The following PTPN12 variants were observed in gnomAD, a reference collection of about 807,000 sequenced individuals.
The protein encoded by PTPN12 is tyrosine-protein phosphatase non-receptor type 12.
A neutral mutation model predicts 97.6 loss-of-function variants in PTPN12; 29 were observed. The observed-to-expected ratio is 0.30, with a 90% confidence interval of 0.22 to 0.41. The LOEUF is 0.41. PTPN12 is among the 10% of genes least tolerant of loss of function. PTPN12 has a pLI of 1.00. For synonymous variants in PTPN12, 327 were observed against 300.4 expected, an observed-to-expected ratio of 1.09 and a Z score of -0.91; for missense variants, 819 against 926.0, an observed-to-expected ratio of 0.88 and a Z score of 1.50.
At chr7:77,569,623 T>C (rs749012377) in intron 1 of PTPN12, among the ~76,000 whole-genome samples, 5 of 152,000 alleles carry the variant, frequency 3.3e-5, no homozygotes, top group Non-Finnish European at 5.9e-5. Flanking sequence ...ATATGAAAAT[T>C]AGCTGGACCT....
At chr7:77,553,741 CT>C (rs1276062773) in intron 1 of PTPN12, among the ~76,000 whole-genome samples, 4 of 152,168 alleles carry the variant, frequency 2.6e-5, no homozygotes, top group Non-Finnish European at 4.4e-5. Context: ...CTCTGACAAT[CT>C]TTTAATTGGT....
chr7:77,539,511 A>G (rs535461673), intron 1 of PTPN12, among the ~76,000 whole-genome samples: 2 of 152,330 alleles, frequency 1.3e-5, no homozygotes, highest in East Asian at 3.9e-4. Flanking sequence ...ATTTACAGCA[A>G]TTGGATGGAG....
chr7:77,559,145 A>G (rs1452835306), intron 1 of PTPN12, among the ~76,000 whole-genome samples: 2 of 152,206 alleles, frequency 1.3e-5, no homozygotes, highest in East Asian at 1.9e-4. Flanking sequence ...TGGGCACTTT[A>G]TTTCTAATGC....
intron 2 of PTPN12, among the ~76,000 whole-genome samples, chr7:77,576,627 G>C (rs969631445): frequency 5.3e-5 from 8 of 152,120 alleles, no homozygotes; most frequent in Non-Finnish European, 2.9e-5. Context: ...AACCTGGGAG[G>C]CAGAGGTTGC....
At chr7:77,538,069 G>A (rs1173659976) in intron 1 of PTPN12, 1 of 994,840 alleles carries the variant, frequency 1.0e-6, no homozygotes, top group Non-Finnish European at 1.2e-6. Context: ...ACCGGGAGGA[G>A]TGCAGATCGT....
At position 77,537,573 on chromosome 7, in the gene PTPN12, A is replaced by G. The variant is rs373428891; in HGVS notation, c.27A>G (p.Lys9=). The part of the protein sequence containing the change: MEQVEILR[K]FIQRVQAMKS... Reference sequence around the variant, plus strand: ...TGGAGCAAGTGGAGATCCTGAGGAAATTCATCCAGAGGGTCCAGGCCATGA... The same window carrying G: ...TGGAGCAAGTGGAGATCCTGAGGAAGTTCATCCAGAGGGTCCAGGCCATGA... Residue 9 remains lysine (K), a synonymous_variant, in exon 1 of 18, where the codon AAA becomes AAG. Transcript: ENST00000248594. 3.1e-5 allele frequency: 49 copies of G among 1,599,810 alleles called. No homozygotes were observed. Among genetic ancestry groups the G allele is most frequent in the South Asian group, 1.5e-4 (13 of 89,058 alleles).
chr7:77,592,467 A>T (rs1787899468), intron 6 of PTPN12: 2 of 446,108 alleles, frequency 4.5e-6, no homozygotes, highest in East Asian at 7.6e-5. Context: ...CTTGTATCTT[A>T]CTATATTGAT....
intron 1 of PTPN12, among the ~76,000 whole-genome samples, chr7:77,554,355 CT>C (rs1463213070): frequency 2.0e-5 from 3 of 152,162 alleles, no homozygotes; most frequent in Non-Finnish European, 4.4e-5. Flanking sequence ...CACTGTACCA[CT>C]TTATGGATGG....
chr7:77,611,190 C>G (rs1378320676), intron 11 of PTPN12, 144 bp downstream of exon 11: 1 of 617,674 alleles, frequency 1.6e-6, no homozygotes, highest in Non-Finnish European at 2.9e-6. Context: ...AACTCATTTC[C>G]TTCTTATTCG....
chr7:77,638,080 C>T (rs1377862382), intron 16 of PTPN12, among the ~76,000 whole-genome samples: 1 of 148,860 alleles, frequency 6.7e-6, no homozygotes, highest in Non-Finnish European at 1.5e-5. Context: ...GCCTCAGCCT[C>T]CTGAGTAGCT....
At chr7:77,625,514 TCTCTCTCTCACTCTCA>T (rs1231052618) in intron 12 of PTPN12, among the ~76,000 whole-genome samples, 5 of 105,632 alleles carry the variant, frequency 4.7e-5, no homozygotes, top group African/African-American at 1.5e-4. Flanking sequence ...TCTCTCTCTC[TCTCTCTCTCACTCTCA>T]CTCTCACTCG....
At chr7:77,629,573 C>T (rs531027506) in intron 13 of PTPN12, among the ~76,000 whole-genome samples, 1 of 149,782 alleles carries the variant, frequency 6.7e-6, no homozygotes. Context: ...TTAAAAAAAA[C>T]CAAAAAACCA....
intron 11 of PTPN12, 41 bp downstream of exon 11, chr7:77,611,087 C>G (rs771144118): frequency 3.3e-5 from 48 of 1,464,900 alleles, no homozygotes; most frequent in Non-Finnish European, 4.4e-5. Flanking sequence ...AACTTTTACT[C>G]TTTGTTAAGA....
Position 77,618,512 on chromosome 7 carries a change from C to T in PTPN12, c.972C>T (p.Ser324=). The change falls in exon 12 of 18, where the codon TCC becomes TCT. Residue 324 remains serine (S), a synonymous_variant. Coordinates refer to ENST00000248594, the MANE Select transcript of PTPN12 (RefSeq NM_002835.4). ...NEINTENMVS[S]IEPEKQDSPP... ...TTAACACTGAAAACATGGTCAGCTC[C>T]ATAGAGCCTGAAAAACAAGATTCTC... The T allele has an allele frequency of 6.2e-7, 1 of 1,608,992 alleles. No individual in the cohort carries two copies. Among genetic ancestry groups the T allele is most frequent in the Non-Finnish European group, 8.5e-7 (1 of 1,176,154 alleles).
intron 1 of PTPN12, among the ~76,000 whole-genome samples, chr7:77,557,452 C>T (rs1215376095): frequency 6.6e-6 from 1 of 152,188 alleles, no homozygotes; most frequent in Non-Finnish European, 1.5e-5. Flanking sequence ...CTTAACTTCT[C>T]TTACAGATCT....
rs746349657 is a variant in PTPN12, at chr7:77,576,649, A to G, written c.209-4778A>G. Among the ~76,000 whole-genome samples the G allele has an allele frequency of 3.9e-5, 6 of 152,246 alleles. No homozygotes were observed. In the East Asian group the frequency reaches 1.2e-3, roughly 29 times the overall value. On this transcript the variant is annotated intron_variant, in intron 2 of 17. Coordinates refer to ENST00000248594, the MANE Select transcript of PTPN12 (RefSeq NM_002835.4). ...GAGGCAGAGGTTGCAGTGAGCCAAG[A>G]TGGTGCCACTGCACTCCAACCTGGG... is the stretch of plus-strand genomic sequence containing the variant.
At position 77,632,436 on chromosome 7, in the gene PTPN12, C is replaced by CT; in HGVS notation, c.2074+15dup. 3.8e-6 allele frequency: 6 copies of CT among 1,588,898 alleles called. No homozygotes were observed. The highest frequency in any genetic ancestry group is 5.2e-6 in the Non-Finnish European group (6 of 1,158,238). The stretch of plus-strand genomic sequence containing the variant: ...TAGCAAGTGAACATAGTGAGTGTCT[C>CT]TTTTGCTTTTACATTTACTTCATAT... On this transcript the variant is annotated intron_variant, in intron 14 of 17. Coordinates refer to ENST00000248594, the MANE Select transcript of PTPN12 (RefSeq NM_002835.4).
intron 1 of PTPN12, among the ~76,000 whole-genome samples, chr7:77,545,434 C>T (rs1807168759): frequency 6.6e-6 from 1 of 151,876 alleles, no homozygotes; most frequent in Non-Finnish European, 1.5e-5. Flanking sequence ...CTCATTGCTC[C>T]CTTTGATGAC....
chr7:77,570,513 C>G (rs144667494), intron 1 of PTPN12, among the ~76,000 whole-genome samples: 2 of 152,304 alleles, frequency 1.3e-5, no homozygotes, highest in East Asian at 3.9e-4. Flanking sequence ...ATCCCTACTG[C>G]CATATGTGGT....
Sources: gnomAD v4.1 joint callset for allele counts (sites outside exome capture counted in the v4.1 genomes callset) on GRCh38, gnomAD v4.1.1 for gene constraint, MANE v1.5 for transcripts, NCBI Gene and HGNC (gene_info 2026-07-23, HGNC 2026-07-21) for gene names.